ARHGAP24: variants seen among roughly 807,000 people sequenced by gnomAD.
ARHGAP24 encodes the protein Rho GTPase activating protein 24.
In ARHGAP24, 50 loss-of-function variants were observed where a neutral mutation model predicts 76.4. The observed-to-expected ratio is 0.65, with a 90% CI of 0.52 to 0.83. The LOEUF (loss-of-function observed/expected upper bound fraction) is 0.83, where lower values mean the gene tolerates loss of function less well. Among genes scored for constraint, ARHGAP24 ranks in the 40% least tolerant of loss-of-function variants. The pLI is 0.00. For missense variants in ARHGAP24, 930 were observed against 914.2 expected (o/e 1.02, Z -0.22); for synonymous variants, 345 against 323.3 (o/e 1.07, Z -0.72).
intron 8 of ARHGAP24, chr4:85,992,207 G>T (rs1349959550): frequency 2.3e-5 from 9 of 397,180 alleles, no homozygotes; most frequent in Admixed American, 4.4e-5. Flanking sequence ...AACTGATAGT[G>T]TGTACAGTGG....
chr4:85,725,920 A>G (rs1266225013), intron 3 of ARHGAP24, among the ~76,000 whole-genome samples: 2 of 152,160 alleles, frequency 1.3e-5, no homozygotes, highest in Non-Finnish European at 2.9e-5. Flanking sequence ...GCCAAGCTTC[A>G]GAGGCCATCA....
chr4:85,605,154 G>A (rs1288197665), intron 2 of ARHGAP24, among the ~76,000 whole-genome samples: 1 of 152,030 alleles, frequency 6.6e-6, no homozygotes, highest in Non-Finnish European at 1.5e-5. Flanking sequence ...TCTTTTTTGT[G>A]TCTAGATTTT....
At chr4:85,886,201 A>G (rs559542920) in intron 3 of ARHGAP24, among the ~76,000 whole-genome samples, 1 of 152,278 alleles carries the variant, frequency 6.6e-6, no homozygotes, top group African/African-American at 2.4e-5. Context: ...ATTGTCAATG[A>G]CCATTATCTG....
chr4:85,754,132 A>G (rs950037333), intron 3 of ARHGAP24, among the ~76,000 whole-genome samples: 2 of 152,160 alleles, frequency 1.3e-5, no homozygotes, highest in Admixed American at 6.5e-5. Flanking sequence ...GATCTCTGGT[A>G]AAAACATCCA....
intron 2 of ARHGAP24, among the ~76,000 whole-genome samples, chr4:85,592,323 T>A (rs1728147248): frequency 6.6e-6 from 1 of 152,174 alleles, no homozygotes; most frequent in South Asian, 2.1e-4. Context: ...AAATGCCTAT[T>A]CAGATTTTTT....
intron 1 of ARHGAP24, among the ~76,000 whole-genome samples, chr4:85,500,875 C>T (rs994006643): frequency 6.7e-6 from 1 of 149,882 alleles, no homozygotes; most frequent in African/African-American, 2.5e-5. Flanking sequence ...CAGCCTCCCA[C>T]CCCCCCACCA....
chr4:85,879,883 C>T (rs898583823), intron 3 of ARHGAP24, among the ~76,000 whole-genome samples: 1 of 151,894 alleles, frequency 6.6e-6, no homozygotes, highest in Non-Finnish European at 1.5e-5. Flanking sequence ...TGTGGAACGG[C>T]TTCCGAGGCA....
At chr4:85,993,199 T>C (rs1740439998) in intron 8 of ARHGAP24, among the ~76,000 whole-genome samples, 1 of 152,150 alleles carries the variant, frequency 6.6e-6, no homozygotes, top group African/African-American at 2.4e-5. Context: ...AAGCTCTGCA[T>C]TGGGTGCTAA....
chr4:85,957,526 A>G (rs937512330), intron 5 of ARHGAP24, among the ~76,000 whole-genome samples: 3 of 152,202 alleles, frequency 2.0e-5, no homozygotes, highest in Non-Finnish European at 4.4e-5. Context: ...TGATGTAATC[A>G]GGAGAATTGA....
At chr4:85,808,843 C>CAA (rs11383338) in intron 3 of ARHGAP24, among the ~76,000 whole-genome samples, 20 of 147,218 alleles carry the variant, frequency 1.4e-4, no homozygotes, top group East Asian at 9.8e-4. Flanking sequence ...AGTAAAACAG[C>CAA]AAAAAAAAAA....
intron 5 of ARHGAP24, among the ~76,000 whole-genome samples, chr4:85,956,976 C>T (rs545322967): frequency 2.4e-4 from 36 of 152,272 alleles, no homozygotes; most frequent in Middle Eastern, 6.8e-3. Flanking sequence ...GATCATAGTC[C>T]CTCCCGCTGT....
At chr4:85,971,415 A>G (rs1738974457) in intron 5 of ARHGAP24, among the ~76,000 whole-genome samples, 1 of 152,196 alleles carries the variant, frequency 6.6e-6, no homozygotes, top group Admixed American at 6.5e-5. Flanking sequence ...TTTGCTTACC[A>G]TCAAATACAC....
intron 1 of ARHGAP24, among the ~76,000 whole-genome samples, chr4:85,565,770 A>G (rs1309461353): frequency 1.3e-5 from 2 of 152,228 alleles, no homozygotes; most frequent in East Asian, 3.8e-4. Flanking sequence ...ACTCTGTGGT[A>G]TGTGGCATCC....
At chr4:85,825,845 A>G (rs1404122963) in intron 3 of ARHGAP24, among the ~76,000 whole-genome samples, 1 of 152,236 alleles carries the variant, frequency 6.6e-6, no homozygotes, top group Non-Finnish European at 1.5e-5. Flanking sequence ...TATAAAAACC[A>G]CACTTTATTT....
intron 3 of ARHGAP24, among the ~76,000 whole-genome samples, chr4:85,856,507 A>G (rs1288364382): frequency 5.5e-5 from 6 of 109,378 alleles, no homozygotes; most frequent in African/African-American, 2.1e-4. Flanking sequence ...GTCTCTTTCT[A>G]TTGCCCAGAC....
At chr4:85,694,928 A>G in intron 2 of ARHGAP24, among the ~76,000 whole-genome samples, 1 of 152,230 alleles carries the variant, frequency 6.6e-6, no homozygotes, top group East Asian at 1.9e-4. Flanking sequence ...TGAGTTATCA[A>G]TTTCACACAA....
At chr4:85,650,095 G>C (rs1253771454) in intron 2 of ARHGAP24, among the ~76,000 whole-genome samples, 1 of 152,068 alleles carries the variant, frequency 6.6e-6, no homozygotes, top group Non-Finnish European at 1.5e-5. Context: ...CCAATATACG[G>C]TGTAAATTTA....
chr4:85,506,032 T>C (rs1724033183), intron 1 of ARHGAP24, among the ~76,000 whole-genome samples: 1 of 152,132 alleles, frequency 6.6e-6, no homozygotes, highest in African/African-American at 2.4e-5. Flanking sequence ...AGACCCTGTT[T>C]GCCTGGGTAT....
At position 85,544,711 on chromosome 4, in the gene ARHGAP24, C is replaced by T. The variant is rs192224746; in HGVS notation, c.-20-25811C>T. On this transcript the variant is annotated intron_variant, in intron 1 of 9. Transcript: ENST00000395184. ...ATATACACACATACATATATATATA[C>T]ACATACATATATGTAAATTTTTTTG... Among the ~76,000 whole-genome samples, 35 of 151,880 alleles carry T rather than the reference C, an allele frequency of 2.3e-4. No homozygotes were observed. The East Asian group carries it at 6.0e-3, about 26-fold the overall frequency.
Sources: gnomAD v4.1 joint callset for allele counts (sites outside exome capture counted in the v4.1 genomes callset) on GRCh38, gnomAD v4.1.1 for gene constraint, MANE v1.5 for transcripts, NCBI Gene and HGNC (gene_info 2026-07-23, HGNC 2026-07-21) for gene names.